The following DPP6 variants were observed in gnomAD, a reference collection of about 807,000 sequenced individuals.
DPP6 encodes the protein A-type potassium channel modulatory protein DPP6.
DPP6 carries 69 observed loss-of-function variants against 122.6 expected under a neutral mutation model. The observed-to-expected ratio is 0.56, with a 90% CI of 0.46 to 0.69. The LOEUF (loss-of-function observed/expected upper bound fraction) is 0.69, where lower values mean the gene tolerates loss of function less well. DPP6 is among the 30% of genes least tolerant of loss of function. The pLI, the probability that DPP6 is intolerant of heterozygous loss-of-function variation, is 0.00. For missense variants in DPP6, 928 were observed against 1,116.9 expected, an observed-to-expected ratio of 0.83 and a Z score of 2.41; for synonymous variants, 418 against 433.1, an observed-to-expected ratio of 0.97 and a Z score of 0.43.
chr7:153,967,412 G>A (rs1427683852), intron 1 of DPP6, among the ~76,000 whole-genome samples: 2 of 152,158 alleles, frequency 1.3e-5, no homozygotes, highest in African/African-American at 2.4e-5. Flanking sequence ...GCATGAACAA[G>A]GAGCATCTAA....
intron 5 of DPP6, among the ~76,000 whole-genome samples, chr7:154,634,770 G>A (rs73489826): frequency 8.6e-5 from 13 of 150,946 alleles, no homozygotes; most frequent in East Asian, 2.0e-4. Flanking sequence ...TGCTCTCCCC[G>A]TTTCTTATGA....
intron 16 of DPP6, among the ~76,000 whole-genome samples, chr7:154,826,384 T>C (rs530118923): frequency 2.6e-5 from 4 of 152,316 alleles, no homozygotes; most frequent in African/African-American, 9.6e-5. Context: ...ATGGGTGACA[T>C]TTTCCTTTGT....
intron 1 of DPP6, among the ~76,000 whole-genome samples, chr7:154,439,537 A>G (rs1819182933): frequency 6.6e-6 from 1 of 152,238 alleles, no homozygotes; most frequent in Non-Finnish European, 1.5e-5. Context: ...ACTAACTTAC[A>G]TTTTGAACTA....
chr7:154,819,248 C>G (rs1240698735), intron 16 of DPP6, among the ~76,000 whole-genome samples: 2 of 152,180 alleles, frequency 1.3e-5, no homozygotes, highest in African/African-American at 4.8e-5. Context: ...AACCCTGTCT[C>G]TACTAAAAAT....
At chr7:154,238,709 T>C (rs912266864) in intron 1 of DPP6, among the ~76,000 whole-genome samples, 2 of 152,254 alleles carry the variant, frequency 1.3e-5, no homozygotes, top group African/African-American at 4.8e-5. Context: ...TCTCTTATTA[T>C]TATGCTATAG....
intron 1 of DPP6, among the ~76,000 whole-genome samples, chr7:154,200,425 G>T (rs1032525365): frequency 6.6e-6 from 1 of 152,124 alleles, no homozygotes; most frequent in African/African-American, 2.4e-5. Flanking sequence ...TCTATCGAAC[G>T]CTAGTGTGCA....
rs147667296 is a variant in DPP6 at position 154,759,917 on chromosome 7, T to A, written c.884-9500T>A. On this transcript the variant is annotated intron_variant, in intron 8 of 25. Coordinates refer to ENST00000377770, the MANE Select transcript of DPP6 (RefSeq NM_130797.4). ...GGAGGGCGGATCACGAGGTCAGGAGTTCAAGACCATCCAGGCCAATATGGT... is the reference window on the plus strand; with the variant it reads ...GGAGGGCGGATCACGAGGTCAGGAGATCAAGACCATCCAGGCCAATATGGT... Among the ~76,000 whole-genome samples, 80 of 151,514 alleles carry A rather than the reference T, an allele frequency of 5.3e-4. No individual in the cohort carries two copies. In the East Asian group the frequency reaches 0.015, roughly 29 times the overall value.
the DPP6 span, among the ~76,000 whole-genome samples, chr7:153,866,349 C>T: frequency 4.6e-5 from 7 of 152,274 alleles, no homozygotes; most frequent in Admixed American, 3.9e-4. Context: ...GCCGTTCTAC[C>T]TAGTGTGAGA....
chr7:154,743,163 T>A (rs1842890544), intron 8 of DPP6, among the ~76,000 whole-genome samples: 1 of 152,250 alleles, frequency 6.6e-6, no homozygotes, highest in Non-Finnish European at 1.5e-5. Context: ...CTCAGCTCTT[T>A]TATCTCCAGC....
chr7:154,861,363 G>GTATT (rs1403255502), intron 17 of DPP6, among the ~76,000 whole-genome samples: 1 of 152,146 alleles, frequency 6.6e-6, no homozygotes, highest in Non-Finnish European at 1.5e-5. Flanking sequence ...TAAAATAAAA[G>GTATT]TATTACATAA....
At chr7:154,499,787 A>G (rs1825071270) in intron 3 of DPP6, among the ~76,000 whole-genome samples, 1 of 152,022 alleles carries the variant, frequency 6.6e-6, no homozygotes, top group African/African-American at 2.4e-5. Flanking sequence ...CATTCCATCT[A>G]CAGATATTTC....
At chr7:154,083,171 A>G (rs964377097) in intron 1 of DPP6, among the ~76,000 whole-genome samples, 4 of 151,596 alleles carry the variant, frequency 2.6e-5, no homozygotes, top group Non-Finnish European at 4.4e-5. Flanking sequence ...TTAACTGACT[A>G]GTTGGATTAG....
chr7:154,706,788 A>G (rs1375430380), intron 7 of DPP6, among the ~76,000 whole-genome samples: 1 of 152,218 alleles, frequency 6.6e-6, no homozygotes, highest in Non-Finnish European at 1.5e-5. Context: ...TCTCCAGGTT[A>G]AAATGTGGGT....
intron 3 of DPP6, among the ~76,000 whole-genome samples, chr7:154,516,932 G>A (rs1252289060): frequency 2.0e-5 from 3 of 152,072 alleles, no homozygotes; most frequent in Non-Finnish European, 2.9e-5. Context: ...ATGCCATCTC[G>A]AATTTTCTGA....
At chr7:154,846,304 T>G (rs1801941080) in intron 16 of DPP6, among the ~76,000 whole-genome samples, 1 of 152,064 alleles carries the variant, frequency 6.6e-6, no homozygotes, top group Non-Finnish European at 1.5e-5. Context: ...TTTCTCCCCC[T>G]TCATCGTGCA....
At chr7:154,871,930 A>G (rs1402289942) in intron 18 of DPP6, among the ~76,000 whole-genome samples, 1 of 152,186 alleles carries the variant, frequency 6.6e-6, no homozygotes, top group African/African-American at 2.4e-5. Context: ...CAGGTTTTTG[A>G]GGTTTGGTTC....
At chr7:154,424,798 A>C (rs1817756417) in intron 1 of DPP6, among the ~76,000 whole-genome samples, 1 of 152,128 alleles carries the variant, frequency 6.6e-6, no homozygotes, top group Non-Finnish European at 1.5e-5. Context: ...ACTTTAGGTA[A>C]ATCTCCTGAC....
At chr7:154,246,754 G>T (rs1288292257) in intron 1 of DPP6, among the ~76,000 whole-genome samples, 9 of 152,086 alleles carry the variant, frequency 5.9e-5, no homozygotes, top group Admixed American at 5.9e-4. Flanking sequence ...ATTGATTTTT[G>T]ATAAAGTAGG....
intron 4 of DPP6, among the ~76,000 whole-genome samples, chr7:154,541,064 C>A (rs182869052): frequency 6.6e-6 from 1 of 152,290 alleles, no homozygotes; most frequent in East Asian, 1.9e-4. Context: ...ATGCTTATGC[C>A]TCAAAGTAAA....
Sources: allele counts gnomAD v4.1 joint callset (sites outside exome capture counted in the v4.1 genomes callset), GRCh38; gene constraint gnomAD v4.1.1; transcripts MANE v1.5; gene names NCBI Gene and HGNC (gene_info 2026-07-23, HGNC 2026-07-21).